Variants in APBA2 observed in about 807,000 individuals in gnomAD.
APBA2 encodes amyloid-beta A4 precursor protein-binding family A member 2.
Under a neutral mutation model 75.0 loss-of-function variants are expected in APBA2, and 30 were observed. The observed-to-expected ratio is 0.40, with a 90% CI of 0.30 to 0.54. APBA2 has a LOEUF of 0.54. Ranked by LOEUF, APBA2 falls within the 20% of genes least tolerant of loss-of-function variation. The probability of loss-of-function intolerance (pLI) is 0.49; values close to 1 mark genes in which losing one functional copy is unlikely to be tolerated. For missense variants in APBA2, 801 were observed against 1,016.1 expected, an observed-to-expected ratio of 0.79 and a Z score of 2.88; for synonymous variants, 444 against 409.6, an observed-to-expected ratio of 1.08 and a Z score of -1.01.
At chr15:29,003,293 C>T (rs1365531676) in intron 3 of APBA2, among the ~76,000 whole-genome samples, 1 of 152,152 alleles carries the variant, frequency 6.6e-6, no homozygotes, top group East Asian at 1.9e-4. Context: ...TTCAGAAACT[C>T]GCTTCACAAT....
At chr15:29,065,398 A>G (rs1386602820) in intron 4 of APBA2, among the ~76,000 whole-genome samples, 1 of 152,226 alleles carries the variant, frequency 6.6e-6, no homozygotes, top group Non-Finnish European at 1.5e-5. Context: ...TAGCGTGGTG[A>G]TGGCAGACAT....
Position 28,974,209 on chromosome 15 carries a change from G to A in APBA2, c.-94-21544G>A, listed in dbSNP as rs541816894. 3.9e-5 allele frequency among the ~76,000 whole-genome samples: 6 copies of A among 152,300 alleles called. No homozygotes were observed. In the East Asian group the frequency reaches 9.7e-4, roughly 25 times the overall value. On this transcript the variant is annotated intron_variant, in intron 2 of 14. Coordinates refer to ENST00000683413, the MANE Select transcript of APBA2 (RefSeq NM_001353788.2). ...TTTAATCCTGACTGCAGCCAAGCTAGTATCAGGCCAAAAGCATTAATGGAA... is the reference window on the plus strand; with the variant it reads ...TTTAATCCTGACTGCAGCCAAGCTAATATCAGGCCAAAAGCATTAATGGAA...
At chr15:29,069,101 A>G (rs55872385) in intron 4 of APBA2, among the ~76,000 whole-genome samples, 47,222 of 152,148 alleles carry the variant, frequency 0.31, 10,929 homozygotes, top group African/African-American at 0.66. Context: ...CCATAAAGAT[A>G]GGATCAGACA....
At chr15:28,989,168 G>A (rs543322173) in intron 2 of APBA2, among the ~76,000 whole-genome samples, 5 of 152,058 alleles carry the variant, frequency 3.3e-5, no homozygotes, top group East Asian at 1.9e-4. Context: ...AATCTGATCC[G>A]TTGTTGAGTT....
At chr15:28,974,099 G>A (rs2152756740) in intron 2 of APBA2, among the ~76,000 whole-genome samples, 1 of 152,286 alleles carries the variant, frequency 6.6e-6, no homozygotes, top group South Asian at 2.1e-4. Context: ...GTATAAAGAA[G>A]TCATATCCAA....
rs542805578 is a variant in APBA2 at position 28,962,690 on chromosome 15, G to A, written c.-94-33063G>A. ...TGCCTCCCAAAATGCTGGGATTACA[G>A]TGTGAGCCACCATGGCCCAGCCTAA... On this transcript the variant is annotated intron_variant, in intron 2 of 14. Coordinates refer to ENST00000683413, the MANE Select transcript of APBA2 (RefSeq NM_001353788.2). 6.5e-4 allele frequency among the ~76,000 whole-genome samples: 41 copies of A among 62,826 alleles called. 1 individual carries two copies. Among genetic ancestry groups the A allele is most frequent in the Admixed American group, 3.5e-3 (17 of 4,816 alleles). 41.2% of individuals were successfully genotyped at this position (62,826 alleles called of 152,430 possible).
intron 3 of APBA2, among the ~76,000 whole-genome samples, chr15:29,015,972 T>C (rs867233131): frequency 2.4e-4 from 37 of 152,304 alleles, no homozygotes; most frequent in Middle Eastern, 3.4e-3. Flanking sequence ...TATCTACTTA[T>C]GGTTGGCCGG....
At chr15:28,932,865 G>A (rs2034635061) in intron 2 of APBA2, among the ~76,000 whole-genome samples, 1 of 152,152 alleles carries the variant, frequency 6.6e-6, no homozygotes, top group Non-Finnish European at 1.5e-5. Context: ...CCTTATGGAG[G>A]TGTCTTAATC....
intron 2 of APBA2, among the ~76,000 whole-genome samples, chr15:28,937,660 T>C (rs1469834745): frequency 6.6e-6 from 1 of 151,906 alleles, no homozygotes; most frequent in Non-Finnish European, 1.5e-5. Flanking sequence ...CTTTTTTTTT[T>C]CTTTTTTTTC....
intron 2 of APBA2, among the ~76,000 whole-genome samples, chr15:28,981,861 T>C (rs1257797973): frequency 6.6e-6 from 1 of 152,156 alleles, no homozygotes; most frequent in Non-Finnish European, 1.5e-5. Flanking sequence ...TACAGCAACA[T>C]AGATGCAGCT....
At chr15:29,004,978 C>T (rs112648829) in intron 3 of APBA2, among the ~76,000 whole-genome samples, 5,506 of 152,092 alleles carry the variant, frequency 0.036, 334 homozygotes, top group African/African-American at 0.13. Context: ...TCACGCCCGG[C>T]CAGGGACCTT....
At position 28,926,855 on chromosome 15, in the gene APBA2, C is replaced by CTTT. The variant is rs201502989; in HGVS notation, c.-95+5107_-95+5108insTTT. ...GGATTTCACTCCACTCTCTCTCTCT[C>CTTT]TCTTTTTTTTTTTTTTTTTGAGACA... On this transcript the variant is annotated intron_variant, in intron 2 of 14. Transcript: ENST00000683413. Among the ~76,000 whole-genome samples, 84 of 136,510 alleles carry CTTT rather than the reference C, an allele frequency of 6.2e-4. 4 individuals carry two copies. Among genetic ancestry groups the CTTT allele is most frequent in the African/African-American group, 1.8e-3 (57 of 32,356 alleles). The allele number at this position is 136,510 out of a possible 152,430, so 89.6% of individuals were successfully genotyped here.
chr15:28,960,450 A>C (rs1358361218), intron 2 of APBA2, among the ~76,000 whole-genome samples: 1 of 143,834 alleles, frequency 7.0e-6, no homozygotes, highest in Non-Finnish European at 1.5e-5. Context: ...GTGATAAAGC[A>C]AGACCTTGTC....
intron 2 of APBA2, among the ~76,000 whole-genome samples, chr15:28,963,885 A>G (rs2036600927): frequency 6.6e-6 from 1 of 152,124 alleles, no homozygotes; most frequent in African/African-American, 2.4e-5. Context: ...AGTAGTTATA[A>G]TGTATGTATG....
chr15:28,963,893 ATG>A (rs946721317), intron 2 of APBA2, among the ~76,000 whole-genome samples: 34 of 151,718 alleles, frequency 2.2e-4, no homozygotes, highest in African/African-American at 7.1e-4. Flanking sequence ...TAATGTATGT[ATG>A]TGTGTGTGTA....
chr15:29,058,353 A>G (rs923917216), intron 4 of APBA2, among the ~76,000 whole-genome samples: 19 of 152,240 alleles, frequency 1.2e-4, no homozygotes, highest in African/African-American at 4.3e-4. Flanking sequence ...TCTGCTAAAA[A>G]TATAAAAATT....
rs150767819 is a variant in APBA2 at position 28,991,412 on chromosome 15, TCCTTGTGCCGGAGCTCA to T, written c.-94-4314_-94-4298del. Among the ~76,000 whole-genome samples the T allele has an allele frequency of 0.13, 19,384 of 151,824 alleles. 3,811 individuals are homozygous for T. The highest frequency in any genetic ancestry group is 0.42 in the African/African-American group (17,492 of 41,168). ...CTACAGGGCCGGGCCGCAGGAGGCG[TCCTTGTGCCGGAGCTCA>T]CCTTGTGCCGGAGCTCACCTTGTGC... On this transcript the variant is annotated intron_variant, in intron 2 of 14. Transcript: ENST00000683413. This position sits in a 1 kb window ranked among gnomAD's most constrained non-coding sequence, Gnocchi z 4.7.
At chr15:29,080,630 C>A (rs1453746033) in intron 6 of APBA2, among the ~76,000 whole-genome samples, 2 of 152,132 alleles carry the variant, frequency 1.3e-5, no homozygotes, top group Non-Finnish European at 2.9e-5. Context: ...GGGAGGAATC[C>A]GAAAGCAGCC....
intron 2 of APBA2, among the ~76,000 whole-genome samples, chr15:28,973,231 C>T (rs2037163534): frequency 6.6e-6 from 1 of 152,164 alleles, no homozygotes; most frequent in African/African-American, 2.4e-5. Flanking sequence ...TGGATTTCTT[C>T]AATTCTGTCA....
Sources: allele counts gnomAD v4.1 joint callset (sites outside exome capture counted in the v4.1 genomes callset), GRCh38; gene constraint gnomAD v4.1.1; non-coding constraint Gnocchi (gnomAD v3.1); transcripts MANE v1.5; gene names NCBI Gene and HGNC (gene_info 2026-07-23, HGNC 2026-07-21).